Variants in ZNF385B observed in about 807,000 individuals in gnomAD.
The protein encoded by ZNF385B is zinc finger protein 533.
In ZNF385B, 23 loss-of-function variants were observed where a neutral mutation model predicts 39.2. The ratio of observed to expected loss-of-function variants is 0.59; its 90% CI spans 0.42 to 0.83. The LOEUF is 0.83. Among genes scored for constraint, ZNF385B ranks in the 40% least tolerant of loss-of-function variants. The pLI, the probability that ZNF385B is intolerant of heterozygous loss-of-function variation, is 0.00. For synonymous variants in ZNF385B, 205 were observed against 222.6 expected (o/e 0.92, Z 0.70); for missense variants, 552 against 598.9 (o/e 0.92, Z 0.82).
chr2:179,596,704 T>C (rs1688026087), intron 3 of ZNF385B, among the ~76,000 whole-genome samples: 1 of 152,218 alleles, frequency 6.6e-6, no homozygotes, highest in Non-Finnish European at 1.5e-5. Context: ...TTCTTTTTCC[T>C]ATGCCACACT....
In ZNF385B at chr2:179,546,944, T is replaced by G. The variant is rs1559452993; in HGVS notation, c.299-1975A>C. On this transcript the variant is annotated intron_variant, in intron 3 of 9. Coordinates refer to ENST00000410066, the MANE Select transcript of ZNF385B (RefSeq NM_152520.6). ...TTAACTGGGGTGAGATGATATCTCA[T>G]TATAGTTTTGATTTGTCTGTTTTTG... Among the ~76,000 whole-genome samples the G allele has an allele frequency of 2.0e-5, 3 of 149,958 alleles. 1 individual carries two copies.
At chr2:179,529,437 T>A (rs1018496939) in intron 4 of ZNF385B, among the ~76,000 whole-genome samples, 4 of 152,194 alleles carry the variant, frequency 2.6e-5, no homozygotes, top group African/African-American at 9.7e-5. Flanking sequence ...TCTTCAAGAT[T>A]TGATGTTCCT....
intron 1 of ZNF385B, among the ~76,000 whole-genome samples, chr2:179,835,631 C>T (rs1575576460): frequency 6.6e-6 from 1 of 152,074 alleles, no homozygotes; most frequent in Non-Finnish European, 1.5e-5. Context: ...TACCTCTTCT[C>T]ACCCTTATGC....
At chr2:179,697,363 T>G (rs1449119218) in intron 3 of ZNF385B, among the ~76,000 whole-genome samples, 1 of 152,152 alleles carries the variant, frequency 6.6e-6, no homozygotes, top group Non-Finnish European at 1.5e-5. Flanking sequence ...TCTCATGAGA[T>G]CTGATGGTTT....
intron 3 of ZNF385B, among the ~76,000 whole-genome samples, chr2:179,728,263 T>C (rs1327721043): frequency 1.3e-5 from 2 of 152,148 alleles, no homozygotes; most frequent in Non-Finnish European, 2.9e-5. Context: ...TTTTAAACTG[T>C]GAGTGCAGCC....
At chr2:179,817,408 A>G (rs938588558) in intron 1 of ZNF385B, among the ~76,000 whole-genome samples, 34 of 152,208 alleles carry the variant, frequency 2.2e-4, no homozygotes, top group African/African-American at 8.2e-4. Context: ...TCACTTTCAC[A>G]TATTAAAGCA....
chr2:179,751,312 T>C (rs184023974), intron 3 of ZNF385B, among the ~76,000 whole-genome samples: 1 of 152,172 alleles, frequency 6.6e-6, no homozygotes, highest in Admixed American at 6.6e-5. Context: ...TCATTAATAA[T>C]AAGTTCCATC....
intron 3 of ZNF385B, among the ~76,000 whole-genome samples, chr2:179,586,868 C>T (rs1687122561): frequency 6.6e-6 from 1 of 151,998 alleles, no homozygotes; most frequent in African/African-American, 2.4e-5. Flanking sequence ...GAAACCCTGT[C>T]TCTACTAAAA....
At chr2:179,796,327 C>A (rs747344350) in intron 1 of ZNF385B, 4 of 152,156 alleles carry the variant, frequency 2.6e-5, no homozygotes, top group Non-Finnish European at 4.4e-5. Context: ...CCTGGGGCAA[C>A]ATCAGTTTTA....
intron 3 of ZNF385B, among the ~76,000 whole-genome samples, chr2:179,627,336 T>G (rs1575023444): frequency 1.3e-5 from 2 of 152,314 alleles, no homozygotes; most frequent in East Asian, 3.9e-4. Flanking sequence ...AGAAACGATA[T>G]TAGCATGAAG....
chr2:179,598,178 GA>G (rs1316008935), intron 3 of ZNF385B, among the ~76,000 whole-genome samples: 1 of 152,050 alleles, frequency 6.6e-6, no homozygotes, highest in Non-Finnish European at 1.5e-5. Flanking sequence ...CATGCTTTCA[GA>G]AAGATATTTT....
chr2:179,758,436 T>C (rs1247395734), intron 3 of ZNF385B, among the ~76,000 whole-genome samples: 1 of 152,180 alleles, frequency 6.6e-6, no homozygotes, highest in Non-Finnish European at 1.5e-5. Flanking sequence ...CAGGCAGATC[T>C]TGAAGCCTCT....
chr2:179,493,493 G>GTGTGTACATATATGCGTACACATA, intron 5 of ZNF385B, among the ~76,000 whole-genome samples: 1 of 149,820 alleles, frequency 6.7e-6, no homozygotes, highest in South Asian at 2.1e-4. Flanking sequence ...ATGTATAAAC[G>GTGTGTACATATATGCGTACACATA]TGTGTGTACA....
chr2:179,842,951 G>A (rs1341101728), intron 1 of ZNF385B, among the ~76,000 whole-genome samples: 1 of 152,196 alleles, frequency 6.6e-6, no homozygotes, highest in Non-Finnish European at 1.5e-5. Flanking sequence ...CTCAGGTGCT[G>A]TAGGATTCTT....
intron 1 of ZNF385B, among the ~76,000 whole-genome samples, chr2:179,844,001 T>C (rs1708674458): frequency 6.6e-6 from 1 of 152,226 alleles, no homozygotes; most frequent in African/African-American, 2.4e-5. Context: ...CTACAAGAAT[T>C]CCTTCCTCTT....
At chr2:179,644,014 C>G (rs1397970837) in intron 3 of ZNF385B, among the ~76,000 whole-genome samples, 1 of 152,076 alleles carries the variant, frequency 6.6e-6, no homozygotes, top group Non-Finnish European at 1.5e-5. Flanking sequence ...AGATTCTACT[C>G]TTACAAACAA....
chr2:179,702,798 TG>T (rs1307859450), intron 3 of ZNF385B, among the ~76,000 whole-genome samples: 19 of 152,174 alleles, frequency 1.2e-4, no homozygotes, highest in African/African-American at 4.6e-4. Flanking sequence ...AATAAGTAAT[TG>T]CTCGGTAAAT....
At chr2:179,667,409 C>G (rs913418042) in intron 3 of ZNF385B, among the ~76,000 whole-genome samples, 20 of 152,162 alleles carry the variant, frequency 1.3e-4, no homozygotes, top group Non-Finnish European at 4.4e-5. Flanking sequence ...TCCCTCCCCC[C>G]CACCATTTTG....
intron 5 of ZNF385B, among the ~76,000 whole-genome samples, chr2:179,506,127 A>T (rs2105753440): frequency 6.6e-6 from 1 of 152,270 alleles, no homozygotes; most frequent in East Asian, 1.9e-4. Context: ...AATGGTGAGG[A>T]ATCCTTCAAG....
Sources: gnomAD v4.1 joint callset for allele counts (sites outside exome capture counted in the v4.1 genomes callset) on GRCh38, gnomAD v4.1.1 for gene constraint, MANE v1.5 for transcripts, NCBI Gene and HGNC (gene_info 2026-07-23, HGNC 2026-07-21) for gene names.